Variants in HRH1 observed in about 807,000 individuals in gnomAD.
HRH1 encodes histamine receptor H1.
Under a neutral mutation model 10.3 loss-of-function variants are expected in HRH1, and 6 were observed. The observed-to-expected ratio is 0.58, with a 90% CI of 0.32 to 1.15. HRH1 has a LOEUF of 1.15. Ranked by LOEUF, HRH1 falls within the 50% of genes most tolerant of loss-of-function variation. The pLI is 0.05. For missense variants in HRH1, 514 were observed against 615.3 expected, an observed-to-expected ratio of 0.84 and a Z score of 1.74; for synonymous variants, 242 against 236.7, an observed-to-expected ratio of 1.02 and a Z score of -0.21.
chr3:11,228,012 C>A (rs548803963), intron 1 of HRH1, among the ~76,000 whole-genome samples: 1 of 152,168 alleles, frequency 6.6e-6, no homozygotes, highest in East Asian at 1.9e-4. Context: ...CCTGGTACCA[C>A]ATTATTGTTT....
chr3:11,173,306 G>T (rs1225713106), intron 1 of HRH1, among the ~76,000 whole-genome samples: 2 of 151,494 alleles, frequency 1.3e-5, no homozygotes, highest in Non-Finnish European at 2.9e-5. Flanking sequence ...TATGATTACT[G>T]ACATAATACA....
intron 1 of HRH1, among the ~76,000 whole-genome samples, chr3:11,183,538 T>C (rs568408633): frequency 6.6e-6 from 1 of 152,238 alleles, no homozygotes; most frequent in South Asian, 2.1e-4. Flanking sequence ...GTACAGAGGT[T>C]GAGAAATCCT....
At chr3:11,207,380 C>G (rs745535042) in intron 1 of HRH1, among the ~76,000 whole-genome samples, 4 of 151,768 alleles carry the variant, frequency 2.6e-5, no homozygotes, top group Non-Finnish European at 4.4e-5. Flanking sequence ...CTGGCTAACA[C>G]GGTGAAACCC....
intron 1 of HRH1, among the ~76,000 whole-genome samples, chr3:11,181,474 T>C (rs1326136567): frequency 6.6e-6 from 1 of 151,934 alleles, no homozygotes; most frequent in Non-Finnish European, 1.5e-5. Flanking sequence ...TTTGTTATTG[T>C]CTTTTTTATT....
intron 1 of HRH1, among the ~76,000 whole-genome samples, chr3:11,210,875 G>A (rs1938305666): frequency 6.6e-6 from 1 of 151,742 alleles, no homozygotes; most frequent in Non-Finnish European, 1.5e-5. Flanking sequence ...CCAATAAGTA[G>A]AGCATCATGC....
chr3:11,223,142 A>G (rs1380906750), intron 1 of HRH1, among the ~76,000 whole-genome samples: 1 of 131,028 alleles, frequency 7.6e-6, no homozygotes, highest in Non-Finnish European at 1.5e-5. Flanking sequence ...TCGAGATCGC[A>G]CCATCACACT....
At chr3:11,252,576 C>T (rs995519106) in intron 1 of HRH1, 2 of 152,220 alleles carry the variant, frequency 1.3e-5, no homozygotes, top group African/African-American at 2.4e-5. Context: ...CAAGTAGGTC[C>T]TGGCTGCCCT....
At chr3:11,143,325 G>A (rs1936331934) in intron 1 of HRH1, among the ~76,000 whole-genome samples, 1 of 152,134 alleles carries the variant, frequency 6.6e-6, no homozygotes, top group African/African-American at 2.4e-5. Context: ...GGTTCTTTTT[G>A]GTCAAGACCT....
chr3:11,237,764 C>T (rs567843768), intron 1 of HRH1, among the ~76,000 whole-genome samples: 1 of 146,290 alleles, frequency 6.8e-6, no homozygotes, highest in African/African-American at 2.6e-5. Context: ...CAACCTCTAC[C>T]TCCCAGGTTC....
At chr3:11,146,194 C>T (rs1936439122) in intron 1 of HRH1, among the ~76,000 whole-genome samples, 1 of 152,324 alleles carries the variant, frequency 6.6e-6, no homozygotes, top group Non-Finnish European at 1.5e-5. Flanking sequence ...AGTGGTTCCA[C>T]ATCCTGTCCT....
At chr3:11,221,319 G>A (rs1199881910) in intron 1 of HRH1, among the ~76,000 whole-genome samples, 1 of 152,190 alleles carries the variant, frequency 6.6e-6, no homozygotes, top group Non-Finnish European at 1.5e-5. Context: ...TTGGGAGGCC[G>A]AGGTGGGTGG....
chr3:11,138,585 C>G (rs1055539334), intron 1 of HRH1, among the ~76,000 whole-genome samples: 5 of 152,132 alleles, frequency 3.3e-5, no homozygotes, highest in African/African-American at 1.2e-4. Context: ...TGGCAAGTTC[C>G]TCAAAAAGTT....
intron 1 of HRH1, among the ~76,000 whole-genome samples, chr3:11,148,290 G>A (rs1025756318): frequency 1.3e-5 from 2 of 152,104 alleles, no homozygotes; most frequent in South Asian, 4.2e-4. Context: ...ATGCCCAAGA[G>A]TGGGAGATAT....
At chr3:11,254,621 C>T (rs1939737392) in intron 1 of HRH1, among the ~76,000 whole-genome samples, 1 of 152,206 alleles carries the variant, frequency 6.6e-6, no homozygotes, top group Admixed American at 6.5e-5. Context: ...CGATCCCTTA[C>T]CCTTGAGGCC....
At chr3:11,225,754 C>A (rs945298274) in intron 1 of HRH1, among the ~76,000 whole-genome samples, 2 of 152,240 alleles carry the variant, frequency 1.3e-5, no homozygotes, top group Non-Finnish European at 2.9e-5. Context: ...GGCACGATCT[C>A]GGCTCACTTC....
chr3:11,258,065 C>T (rs775572540), intron 1 of HRH1, among the ~76,000 whole-genome samples: 9 of 152,036 alleles, frequency 5.9e-5, no homozygotes, highest in African/African-American at 9.6e-5. Flanking sequence ...AGTAAAATAA[C>T]GAATATGCTT....
chr3:11,226,954 T>C (rs951423370), intron 1 of HRH1, among the ~76,000 whole-genome samples: 1 of 151,716 alleles, frequency 6.6e-6, no homozygotes, highest in African/African-American at 2.4e-5. Context: ...GTATCACACA[T>C]GTGGGGCCAG....
chr3:11,181,958 C>A (rs116522474), intron 1 of HRH1, among the ~76,000 whole-genome samples: 1 of 150,710 alleles, frequency 6.6e-6, no homozygotes, highest in African/African-American at 2.4e-5. Context: ...ATTAATTTGT[C>A]TTTCCATTGT....
chr3:11,200,119 G>A (rs549142416), intron 1 of HRH1, among the ~76,000 whole-genome samples: 9 of 152,272 alleles, frequency 5.9e-5, no homozygotes, highest in Middle Eastern at 3.4e-3. Context: ...TGTGACCTCC[G>A]GGGCTGTGGC....
Sources: gnomAD v4.1 joint callset for allele counts (sites outside exome capture counted in the v4.1 genomes callset) on GRCh38, gnomAD v4.1.1 for gene constraint, MANE v1.5 for transcripts, NCBI Gene and HGNC (gene_info 2026-07-23, HGNC 2026-07-21) for gene names.